Variants in TAFA1 observed in about 807,000 individuals in gnomAD.
The protein encoded by TAFA1 is TAFA chemokine like family member 1.
In TAFA1, 4 loss-of-function variants were observed where a neutral mutation model predicts 18.5. The ratio of observed to expected loss-of-function variants is 0.22; its 90% CI spans 0.11 to 0.49. TAFA1 has a LOEUF of 0.49. Among genes scored for constraint, TAFA1 ranks in the 20% least tolerant of loss-of-function variants. TAFA1 has a pLI of 0.98. For missense variants in TAFA1, 147 were observed against 169.0 expected (o/e 0.87, Z 0.72); for synonymous variants, 56 against 55.2 (o/e 1.01, Z -0.06).
intron 2 of TAFA1, among the ~76,000 whole-genome samples, chr3:68,219,553 ACT>A (rs1430043762): frequency 1.3e-5 from 2 of 151,782 alleles, no homozygotes; most frequent in African/African-American, 4.8e-5. Flanking sequence ...GCCAGGGATC[ACT>A]CTCAGCTTCT....
At chr3:68,352,290 C>T (rs117356977) in intron 2 of TAFA1, among the ~76,000 whole-genome samples, 4 of 151,806 alleles carry the variant, frequency 2.6e-5, no homozygotes, top group Admixed American at 6.6e-5. Context: ...GGTTTATTAA[C>T]GCATGCAGTA....
At chr3:68,396,032 T>C (rs979275745) in intron 2 of TAFA1, among the ~76,000 whole-genome samples, 1 of 152,102 alleles carries the variant, frequency 6.6e-6, no homozygotes, top group South Asian at 2.1e-4. Context: ...AACTTTGATA[T>C]TAGCATTCTT....
chr3:68,022,566 A>G (rs1465883773), intron 2 of TAFA1, among the ~76,000 whole-genome samples: 3 of 152,074 alleles, frequency 2.0e-5, no homozygotes, highest in African/African-American at 7.2e-5. Flanking sequence ...GGAATGGGTT[A>G]TGCCAAGAGT....
At chr3:68,234,544 C>A (rs1559569365) in intron 2 of TAFA1, among the ~76,000 whole-genome samples, 2 of 152,272 alleles carry the variant, frequency 1.3e-5, no homozygotes, top group South Asian at 4.1e-4. Flanking sequence ...ATCCAACATG[C>A]TGTGCACCCA....
chr3:68,309,262 A>T (rs1575765949), intron 2 of TAFA1, among the ~76,000 whole-genome samples: 1 of 152,208 alleles, frequency 6.6e-6, no homozygotes, highest in African/African-American at 2.4e-5. Flanking sequence ...TCTGAATACA[A>T]TAATGAATTA....
At chr3:68,352,976 G>A (rs1410333720) in intron 2 of TAFA1, among the ~76,000 whole-genome samples, 1 of 152,164 alleles carries the variant, frequency 6.6e-6, no homozygotes, top group East Asian at 1.9e-4. Context: ...ATCAAAAAGC[G>A]AAGAAGCCAA....
At chr3:68,529,658 G>A (rs570809173) in intron 3 of TAFA1, among the ~76,000 whole-genome samples, 125 of 152,272 alleles carry the variant, frequency 8.2e-4, no homozygotes, top group South Asian at 4.4e-3. Context: ...ACTCATGGCA[G>A]AAGGTGAAGG....
chr3:68,258,986 T>C (rs1307672163), intron 2 of TAFA1, among the ~76,000 whole-genome samples: 3 of 152,184 alleles, frequency 2.0e-5, no homozygotes, highest in African/African-American at 4.8e-5. Flanking sequence ...CTGACCAGCA[T>C]GCCAGGACTC....
intron 2 of TAFA1, among the ~76,000 whole-genome samples, chr3:68,392,386 A>G (rs998053812): frequency 1.3e-5 from 2 of 152,074 alleles, no homozygotes; most frequent in African/African-American, 4.8e-5. Context: ...CTACAAAAAG[A>G]CTTAGACTCC....
chr3:68,073,807 G>A lies in TAFA1; in HGVS notation c.118+67063G>A, dbSNP rs1393755005. ...AGGTAGTAATGATGATGGTGATGGT[G>A]ATGATGATATGTATTTAGTGAGTGC... On this transcript the variant is annotated intron_variant, in intron 2 of 4. Transcript: ENST00000478136. Among the ~76,000 whole-genome samples, 8 of 152,196 alleles carry A rather than the reference G, an allele frequency of 5.3e-5. No individual in the cohort carries two copies. The East Asian group carries it at 5.8e-4, about 11-fold the overall frequency.
intron 2 of TAFA1, among the ~76,000 whole-genome samples, chr3:68,255,774 G>C (rs776781408): frequency 6.6e-6 from 1 of 152,018 alleles, no homozygotes; most frequent in Non-Finnish European, 1.5e-5. Flanking sequence ...ATTGACTAAA[G>C]TGTCCAAAGT....
At chr3:68,189,508 C>A (rs1053396605) in intron 2 of TAFA1, among the ~76,000 whole-genome samples, 1 of 151,816 alleles carries the variant, frequency 6.6e-6, no homozygotes. Flanking sequence ...CAGAGCTCTG[C>A]CCATCATCTT....
intron 2 of TAFA1, among the ~76,000 whole-genome samples, chr3:68,128,827 A>G (rs1450353562): frequency 2.6e-5 from 4 of 152,248 alleles, no homozygotes; most frequent in Non-Finnish European, 5.9e-5. Flanking sequence ...CAGGAAACAA[A>G]GAAGAAAGAG....
At chr3:68,519,620 C>T (rs892779068) in intron 3 of TAFA1, among the ~76,000 whole-genome samples, 3 of 152,152 alleles carry the variant, frequency 2.0e-5, no homozygotes, top group Non-Finnish European at 4.4e-5. Context: ...ATATTTCTGA[C>T]AGTTCTGGAG....
At chr3:68,053,210 T>C (rs73837265) in intron 2 of TAFA1, among the ~76,000 whole-genome samples, 4,634 of 151,740 alleles carry the variant, frequency 0.031, 95 homozygotes, top group East Asian at 0.1. Context: ...ATATGATGAG[T>C]CCAATGGCAG....
At chr3:68,069,818 C>T (rs1001447243) in intron 2 of TAFA1, among the ~76,000 whole-genome samples, 1 of 152,190 alleles carries the variant, frequency 6.6e-6, no homozygotes, top group Non-Finnish European at 1.5e-5. Flanking sequence ...TACAGCAGGG[C>T]AGTCAAATCT....
At chr3:68,045,791 A>C (rs1012777357) in intron 2 of TAFA1, among the ~76,000 whole-genome samples, 1 of 152,132 alleles carries the variant, frequency 6.6e-6, no homozygotes, top group African/African-American at 2.4e-5. Context: ...CCACTCTTTA[A>C]TCATTCATTT....
intron 2 of TAFA1, among the ~76,000 whole-genome samples, chr3:68,007,627 C>G (rs1318656272): frequency 6.6e-6 from 1 of 151,262 alleles, no homozygotes; most frequent in Admixed American, 6.6e-5. Context: ...CCCTCCCTTC[C>G]TCTCTCGCGA....
intron 2 of TAFA1, among the ~76,000 whole-genome samples, chr3:68,306,119 A>G (rs2068415843): frequency 6.6e-6 from 1 of 152,252 alleles, no homozygotes; most frequent in African/African-American, 2.4e-5. Context: ...AGAAAATACA[A>G]ACAAGGGAGC....
Sources: allele counts gnomAD v4.1 joint callset (sites outside exome capture counted in the v4.1 genomes callset), GRCh38; gene constraint gnomAD v4.1.1; transcripts MANE v1.5; gene names NCBI Gene and HGNC (gene_info 2026-07-23, HGNC 2026-07-21).